The following SMAGP variants were observed in gnomAD, a reference collection of about 807,000 sequenced individuals.
SMAGP encodes the protein small cell adhesion glycoprotein.
In SMAGP, 7 loss-of-function variants were observed where a neutral mutation model predicts 10.1. That is an observed-to-expected ratio of 0.70 (90% CI 0.40 to 1.31). The LOEUF is 1.31. SMAGP is among the 50% of genes most tolerant of loss of function. The pLI is 0.01. For synonymous variants in SMAGP, 49 were observed against 47.2 expected (o/e 1.04, Z -0.16); for missense variants, 113 against 116.5 (o/e 0.97, Z 0.14).
At chr12:51,255,548 AC>A (rs556524774) in intron 2 of SMAGP, among the ~76,000 whole-genome samples, 125 of 152,040 alleles carry the variant, frequency 8.2e-4, no homozygotes, top group Middle Eastern at 6.8e-3. Context: ...AAAACCAAGC[AC>A]CCCAGGCTCA....
rs1592238461 is a variant in SMAGP at position 51,267,402 on chromosome 12, C to G, written c.34+1843G>C. ...CCCCTTTGCCTGTATGAACCTTGTC[C>G]GTCTTTCAAGGGCAAGACTCAGATC... On this transcript the variant is annotated intron_variant, in intron 2 of 3. Coordinates refer to ENST00000603798, the MANE Select transcript of SMAGP (RefSeq NM_001031628.2). Among the ~76,000 whole-genome samples, 3 of 151,998 alleles carry G rather than the reference C, an allele frequency of 2.0e-5. No individual in the cohort carries two copies. In the East Asian group the frequency reaches 5.8e-4, roughly 29 times the overall value.
intron 2 of SMAGP, among the ~76,000 whole-genome samples, chr12:51,249,826 A>G (rs1001566174): frequency 6.6e-6 from 1 of 151,764 alleles, no homozygotes; most frequent in African/African-American, 2.4e-5. Context: ...CATGTTGGCC[A>G]GGCTGGTCTC....
intron 2 of SMAGP, among the ~76,000 whole-genome samples, chr12:51,249,600 G>C (rs1944816483): frequency 6.6e-6 from 1 of 151,974 alleles, no homozygotes; most frequent in Non-Finnish European, 1.5e-5. Flanking sequence ...AATGGTTTTA[G>C]AGTTTGTCTA....
intron 2 of SMAGP, among the ~76,000 whole-genome samples, chr12:51,250,312 G>T (rs1944825204): frequency 1.3e-5 from 2 of 151,986 alleles, no homozygotes; most frequent in African/African-American, 2.4e-5. Context: ...AGCCCAGGGG[G>T]TTAAGCCTGC....
intron 2 of SMAGP, 63 bp downstream of exon 2, chr12:51,269,182 G>A: frequency 5.0e-6 from 8 of 1,589,214 alleles, no homozygotes; most frequent in Non-Finnish European, 6.9e-6. Context: ...TTCCAGGACT[G>A]GTCTGGGGAA....
chr12:51,256,439 A>G (rs555983919), intron 2 of SMAGP, among the ~76,000 whole-genome samples: 35 of 151,978 alleles, frequency 2.3e-4, no homozygotes, highest in African/African-American at 8.0e-4. Context: ...AAACACAAAC[A>G]AGCCGGGCGC....
At position 51,245,994 on chromosome 12, in the gene SMAGP, G is replaced by C; in HGVS notation, c.241C>G (p.Gln81Glu). ...CCCTTGGCCAAGTCACTCTCCATCT[G>C]GACGATGGCACTGGGCTCACCTTCT... is the stretch of plus-strand genomic sequence containing the variant. ...PTEGEPSAIVQMESDLAKGSE... is the reference protein window; with the variant it reads ...PTEGEPSAIVEMESDLAKGSE... The change falls in exon 4 of 4, where the codon CAG becomes GAG. Residue 81 changes from glutamine (Q) to glutamate (E), a missense_variant. Physicochemically the swap from Gln to Glu is conservative, Grantham distance 29 (BLOSUM62 2). Coordinates refer to ENST00000603798, the MANE Select transcript of SMAGP (RefSeq NM_001031628.2). 1 of 1,613,944 alleles carries C rather than the reference G, an allele frequency of 6.2e-7. No homozygotes were observed. Among genetic ancestry groups the C allele is most frequent in the Non-Finnish European group, 8.5e-7 (1 of 1,179,858 alleles).
intron 2 of SMAGP, among the ~76,000 whole-genome samples, chr12:51,249,750 G>A (rs1944818058): frequency 6.6e-6 from 1 of 151,970 alleles, no homozygotes; most frequent in African/African-American, 2.4e-5. Flanking sequence ...CTGAGTAGCT[G>A]GGATTACAGG....
rs1294621173 is a variant in SMAGP, at chr12:51,246,612, GTGT to G, written c.115+136_115+138del. 3.5e-5 allele frequency: 18 copies of G among 510,918 alleles called. No homozygotes were observed. The Admixed American group carries it at 6.5e-4, about 19-fold the overall frequency. The allele number at this position is 510,918 out of a possible 1,614,324, so 31.6% of individuals were successfully genotyped here. A position where few individuals can be genotyped will look rare whatever the true frequency, so the allele number is the denominator to read the frequency against. On this transcript the variant is annotated intron_variant, in intron 3 of 3. Coordinates refer to ENST00000603798, the MANE Select transcript of SMAGP (RefSeq NM_001031628.2). Reference sequence around the variant, plus strand: ...CTCCGAGTCTTTTATGGCTGTGTGTGTGTGTGTGTGTGTGTGTGTGTGTGTGTA... The same window carrying G: ...CTCCGAGTCTTTTATGGCTGTGTGTGGTGTGTGTGTGTGTGTGTGTGTGTA...
intron 2 of SMAGP, among the ~76,000 whole-genome samples, chr12:51,261,376 T>C (rs143318924): frequency 0.024 from 3,624 of 152,250 alleles, 141 homozygotes; most frequent in African/African-American, 0.083. Context: ...ATTACAGGCA[T>C]GAGCCACCAC....
In SMAGP at chr12:51,257,229, A is replaced by C. The variant is rs150836813; in HGVS notation, c.35-10398T>G. Among the ~76,000 whole-genome samples, 17 of 152,340 alleles carry C rather than the reference A, an allele frequency of 1.1e-4. No individual in the cohort carries two copies. The East Asian group carries it at 3.1e-3, about 28-fold the overall frequency. On this transcript the variant is annotated intron_variant, in intron 2 of 3. Transcript: ENST00000603798. ...TGAGAGGCACAATTGATGATGCACAAGAGTCCTTGAAGGGATGAGATCTAG... is the reference window on the plus strand; with the variant it reads ...TGAGAGGCACAATTGATGATGCACACGAGTCCTTGAAGGGATGAGATCTAG...
At chr12:51,247,511 C>T (rs755498084) in intron 2 of SMAGP, among the ~76,000 whole-genome samples, 8 of 152,082 alleles carry the variant, frequency 5.3e-5, no homozygotes, top group South Asian at 2.1e-4. Flanking sequence ...TCCTTCAGAG[C>T]GTGAAAGTCC....
At chr12:51,264,966 G>C (rs546428033) in intron 2 of SMAGP, among the ~76,000 whole-genome samples, 1 of 148,564 alleles carries the variant, frequency 6.7e-6, no homozygotes, top group Non-Finnish European at 1.5e-5. Context: ...AAGAGAGAGA[G>C]GACTGATTCA....
intron 2 of SMAGP, 61 bp downstream of exon 2, chr12:51,269,184 T>TC: frequency 1.3e-6 from 2 of 1,594,146 alleles, no homozygotes; most frequent in Non-Finnish European, 1.7e-6. Context: ...CCAGGACTGG[T>TC]CTGGGGAAGG....
intron 2 of SMAGP, among the ~76,000 whole-genome samples, chr12:51,264,649 A>AAC (rs1205738638): frequency 6.7e-6 from 1 of 148,298 alleles, no homozygotes; most frequent in African/African-American, 2.5e-5. Context: ...AAAAAAAAAA[A>AAC]GGTCAGGCAC....
intron 2 of SMAGP, among the ~76,000 whole-genome samples, chr12:51,248,994 C>T (rs1298483): frequency 0.014 from 2,054 of 150,660 alleles, 50 homozygotes; most frequent in African/African-American, 0.047. Context: ...GAATGAGAAT[C>T]GCTTGAGCCC....
At chr12:51,251,456 G>A (rs1261490255) in intron 2 of SMAGP, 1 of 151,954 alleles carries the variant, frequency 6.6e-6, no homozygotes, top group Non-Finnish European at 1.5e-5. Flanking sequence ...CAGACATGGT[G>A]GCACACACCT....
At chr12:51,264,792 T>A (rs1272510946) in intron 2 of SMAGP, among the ~76,000 whole-genome samples, 3 of 151,148 alleles carry the variant, frequency 2.0e-5, no homozygotes, top group African/African-American at 7.3e-5. Context: ...ATTAGCCGGG[T>A]GTGGCAGCGT....
chr12:51,269,466 T>C lies in SMAGP; in HGVS notation c.-38-150A>G, dbSNP rs941225135. 4 of 619,946 alleles carry C rather than the reference T, an allele frequency of 6.5e-6. No homozygotes were observed. In the African/African-American group the frequency reaches 7.4e-5, roughly 11 times the overall value. 38.4% of individuals were successfully genotyped at this position (619,946 alleles called of 1,614,324 possible). A position where few individuals can be genotyped will look rare whatever the true frequency, so the allele number is the denominator to read the frequency against. On this transcript the variant is annotated intron_variant, in intron 1 of 3. Transcript: ENST00000603798. The stretch of plus-strand genomic sequence containing the variant: ...TCTTCTGGTTTCCCTGAATATCTCC[T>C]CAGGCTCCAGGTACCAACAGCTCTC...
Sources: gnomAD v4.1 joint callset for allele counts (sites outside exome capture counted in the v4.1 genomes callset) on GRCh38, gnomAD v4.1.1 for gene constraint, MANE v1.5 for transcripts, NCBI Gene and HGNC (gene_info 2026-07-23, HGNC 2026-07-21) for gene names.